Variants in DNAJC5B observed in about 807,000 individuals in gnomAD.
DNAJC5B encodes dnaJ homolog subfamily C member 5B.
DNAJC5B carries 23 observed loss-of-function variants against 24.7 expected under a neutral mutation model. The ratio of observed to expected loss-of-function variants is 0.93; its 90% CI spans 0.67 to 1.32. The LOEUF is 1.32. Ranked by LOEUF, DNAJC5B falls within the 40% of genes most tolerant of loss-of-function variation. DNAJC5B has a pLI of 0.00. For synonymous variants in DNAJC5B, 101 were observed against 90.1 expected (o/e 1.12, Z -0.68); for missense variants, 238 against 240.8 (o/e 0.99, Z 0.08).
At chr8:66,025,885 G>T (rs1806230447) in intron 1 of DNAJC5B, among the ~76,000 whole-genome samples, 1 of 89,572 alleles carries the variant, frequency 1.1e-5, no homozygotes, top group Admixed American at 1.0e-4. Context: ...TTGTTCTTTT[G>T]GCTTAGGATT....
intron 3 of DNAJC5B, among the ~76,000 whole-genome samples, chr8:66,062,201 T>C (rs1325778580): frequency 2.0e-5 from 3 of 152,242 alleles, no homozygotes; most frequent in Admixed American, 2.0e-4. Context: ...CTGGAAAATG[T>C]CTGTTTTCTC....
chr8:66,016,446 A>G, the DNAJC5B span, among the ~76,000 whole-genome samples: 1 of 152,178 alleles, frequency 6.6e-6, no homozygotes, highest in African/African-American at 2.4e-5. Context: ...CACACTGGGA[A>G]GAAGGTGCCT....
chr8:66,020,593 TC>T (rs1806087297), upstream of DNAJC5B, among the ~76,000 whole-genome samples: 3 of 135,142 alleles, frequency 2.2e-5, no homozygotes, highest in Non-Finnish European at 3.1e-5. Context: ...TAATCAATAC[TC>T]TGTGTGTGTG....
At chr8:66,069,882 C>T (rs1002105568) in intron 3 of DNAJC5B, among the ~76,000 whole-genome samples, 4 of 152,216 alleles carry the variant, frequency 2.6e-5, no homozygotes, top group Non-Finnish European at 4.4e-5. Context: ...GGCTTCATCC[C>T]TAGGATGCAA....
rs546681848 is a variant in DNAJC5B at position 66,054,502 on chromosome 8, C to G, written c.119+2836C>G. ...GATTTTTTCCCAAATCCTTAGCCCA[C>G]TAATACTTATTGAGTCTCTATTTTT... On this transcript the variant is annotated intron_variant, in intron 3 of 5. Transcript: ENST00000276570. 2.0e-5 allele frequency among the ~76,000 whole-genome samples: 3 copies of G among 152,264 alleles called. No individual in the cohort carries two copies. In the East Asian group the frequency reaches 5.8e-4, roughly 29 times the overall value.
chr8:66,018,902 A>G (rs976489756), upstream of DNAJC5B, among the ~76,000 whole-genome samples: 1 of 152,188 alleles, frequency 6.6e-6, no homozygotes, highest in Non-Finnish European at 1.5e-5. Flanking sequence ...CTGACTTACA[A>G]ATATCTATAG....
intron 1 of DNAJC5B, among the ~76,000 whole-genome samples, chr8:66,022,635 C>CT (rs1173288366): frequency 2.0e-5 from 3 of 152,228 alleles, no homozygotes; most frequent in African/African-American, 7.2e-5. Context: ...GGACACAACT[C>CT]TAACTCTCCT....
At chr8:66,054,165 T>G (rs1052409707) in intron 3 of DNAJC5B, among the ~76,000 whole-genome samples, 4 of 152,120 alleles carry the variant, frequency 2.6e-5, no homozygotes, top group African/African-American at 7.2e-5. Flanking sequence ...GCTATGCCTT[T>G]ACAGGAAAAA....
chr8:66,023,130 A>G (rs1806176932), intron 1 of DNAJC5B, among the ~76,000 whole-genome samples: 1 of 152,230 alleles, frequency 6.6e-6, no homozygotes, highest in East Asian at 1.9e-4. Context: ...GAGAAACCAC[A>G]CAGAGAAGTG....
chr8:66,058,047 G>GT (rs1301034453), intron 3 of DNAJC5B: 1 of 152,280 alleles, frequency 6.6e-6, no homozygotes, highest in Non-Finnish European at 1.5e-5. Flanking sequence ...CGTGAGTGGT[G>GT]TGTGTCCTCC....
intron 1 of DNAJC5B, among the ~76,000 whole-genome samples, chr8:66,026,399 A>G (rs1319094469): frequency 6.6e-6 from 1 of 152,228 alleles, no homozygotes; most frequent in Admixed American, 6.5e-5. Context: ...TGCCAAGCAA[A>G]CTTTTGAAAT....
At chr8:66,051,788 T>G in intron 3 of DNAJC5B, 122 bp downstream of exon 3, 1 of 709,334 alleles carries the variant, frequency 1.4e-6, no homozygotes, top group Non-Finnish European at 2.5e-6. Context: ...AGATCCAATG[T>G]TCCCTGCTCT....
intron 3 of DNAJC5B, among the ~76,000 whole-genome samples, chr8:66,055,505 G>C (rs1806942319): frequency 6.6e-6 from 1 of 152,156 alleles, no homozygotes; most frequent in Non-Finnish European, 1.5e-5. Context: ...TTTTTAAAAA[G>C]ATAATCTTTC....
At chr8:66,040,187 C>A (rs1008037054) in intron 1 of DNAJC5B, among the ~76,000 whole-genome samples, 2 of 152,006 alleles carry the variant, frequency 1.3e-5, no homozygotes, top group Non-Finnish European at 2.9e-5. Flanking sequence ...GTCAGGAGAT[C>A]GAGACCATCC....
intron 3 of DNAJC5B, among the ~76,000 whole-genome samples, chr8:66,052,345 T>C (rs1806870073): frequency 6.6e-6 from 1 of 152,154 alleles, no homozygotes; most frequent in Non-Finnish European, 1.5e-5. Flanking sequence ...AATGCTGTAT[T>C]TGTAAGCTAT....
intron 1 of DNAJC5B, among the ~76,000 whole-genome samples, chr8:66,033,647 T>C (rs1400913746): frequency 1.3e-5 from 2 of 152,110 alleles, no homozygotes; most frequent in African/African-American, 4.8e-5. Flanking sequence ...AACTGTCTTG[T>C]TTCAGCCTAG....
chr8:66,039,496 C>T (rs1036266347), intron 1 of DNAJC5B, among the ~76,000 whole-genome samples: 3 of 151,968 alleles, frequency 2.0e-5, no homozygotes, highest in Non-Finnish European at 4.4e-5. Context: ...TTATAGGTGC[C>T]CACCACCATG....
chr8:66,031,466 G>T (rs148710347), intron 1 of DNAJC5B, among the ~76,000 whole-genome samples: 148 of 152,192 alleles, frequency 9.7e-4, no homozygotes, highest in Non-Finnish European at 1.7e-3. Context: ...TTTTTTTTAA[G>T]CACCTACTGT....
intron 3 of DNAJC5B, among the ~76,000 whole-genome samples, chr8:66,074,787 G>A (rs1206428188): frequency 6.6e-6 from 1 of 152,204 alleles, no homozygotes; most frequent in Non-Finnish European, 1.5e-5. Flanking sequence ...AATTTTGGCA[G>A]CTGTCTCTGC....
Sources: gnomAD v4.1 joint callset for allele counts (sites outside exome capture counted in the v4.1 genomes callset) on GRCh38, gnomAD v4.1.1 for gene constraint, MANE v1.5 for transcripts, NCBI Gene and HGNC (gene_info 2026-07-23, HGNC 2026-07-21) for gene names.